TMEFF2: variants seen among roughly 807,000 people sequenced by gnomAD.
The protein encoded by TMEFF2 is transmembrane protein with EGF like and two follistatin like domains 2.
A neutral mutation model predicts 53.8 loss-of-function variants in TMEFF2; 28 were observed. The observed-to-expected ratio is 0.52, with a 90% CI of 0.39 to 0.71. TMEFF2 has a LOEUF of 0.71. Among genes scored for constraint, TMEFF2 ranks in the 30% least tolerant of loss-of-function variants. The probability of loss-of-function intolerance (pLI) is 0.00; values close to 1 mark genes in which losing one functional copy is unlikely to be tolerated. For missense variants in TMEFF2, 353 were observed against 455.2 expected, an observed-to-expected ratio of 0.78 and a Z score of 2.04; for synonymous variants, 162 against 166.3, an observed-to-expected ratio of 0.97 and a Z score of 0.20.
intron 5 of TMEFF2, among the ~76,000 whole-genome samples, chr2:192,023,883 T>C (rs1295350580): frequency 6.6e-6 from 1 of 152,106 alleles, no homozygotes; most frequent in Non-Finnish European, 1.5e-5. Flanking sequence ...GCAACTTTCA[T>C]TGAGTAAAGA....
At chr2:192,073,007 C>A (rs1045293374) in intron 4 of TMEFF2, among the ~76,000 whole-genome samples, 2 of 151,974 alleles carry the variant, frequency 1.3e-5, no homozygotes, top group East Asian at 1.9e-4. Context: ...TGCTCCCACA[C>A]TGCCTGACAA....
At chr2:192,063,115 T>C (rs1162138698) in intron 4 of TMEFF2, among the ~76,000 whole-genome samples, 1 of 151,960 alleles carries the variant, frequency 6.6e-6, no homozygotes, top group Non-Finnish European at 1.5e-5. Flanking sequence ...ATTATTTTTC[T>C]AGTTTCTTAA....
chr2:192,007,439 T>C (rs1406732803), intron 5 of TMEFF2, among the ~76,000 whole-genome samples: 1 of 152,122 alleles, frequency 6.6e-6, no homozygotes, highest in African/African-American at 2.4e-5. Flanking sequence ...AGGTGGAAAG[T>C]GAACTGTCTG....
chr2:191,971,724 A>G (rs2105804586), intron 7 of TMEFF2, among the ~76,000 whole-genome samples: 1 of 152,346 alleles, frequency 6.6e-6, no homozygotes, highest in Middle Eastern at 3.4e-3. Context: ...GTTAAATACT[A>G]CAGGTATAGT....
At chr2:192,179,054 T>C (rs182300324) in intron 4 of TMEFF2, 1 of 150,946 alleles carries the variant, frequency 6.6e-6, no homozygotes, top group African/African-American at 2.4e-5. Flanking sequence ...CTCTCTCTCA[T>C]CTTATATACT....
chr2:192,131,922 G>A (rs2105978226), intron 4 of TMEFF2, among the ~76,000 whole-genome samples: 1 of 152,166 alleles, frequency 6.6e-6, no homozygotes. Flanking sequence ...ATGGGCAAAT[G>A]GTCTGAGGTG....
intron 4 of TMEFF2, among the ~76,000 whole-genome samples, chr2:192,094,534 TAC>T (rs1688860656): frequency 6.6e-6 from 1 of 152,092 alleles, no homozygotes; most frequent in Admixed American, 6.6e-5. Flanking sequence ...TTGGTCAATC[TAC>T]ACACCTCAAT....
At chr2:192,012,373 T>C (rs1686650737) in intron 5 of TMEFF2, among the ~76,000 whole-genome samples, 1 of 152,256 alleles carries the variant, frequency 6.6e-6, no homozygotes, top group Admixed American at 6.5e-5. Flanking sequence ...ATGTGTTCTA[T>C]ACCTTTGTCA....
intron 4 of TMEFF2, among the ~76,000 whole-genome samples, chr2:192,066,575 CAT>C (rs1688173924): frequency 6.6e-6 from 1 of 151,742 alleles, no homozygotes; most frequent in Non-Finnish European, 1.5e-5. Context: ...TTAGAAATCA[CAT>C]ATAATTTATC....
intron 5 of TMEFF2, among the ~76,000 whole-genome samples, chr2:192,005,448 G>C (rs1686477137): frequency 6.6e-6 from 1 of 152,118 alleles, no homozygotes; most frequent in Non-Finnish European, 1.5e-5. Flanking sequence ...TCATGTGTCT[G>C]GTTTGTGGCT....
At chr2:192,099,020 G>A (rs1478905255) in intron 4 of TMEFF2, among the ~76,000 whole-genome samples, 2 of 151,968 alleles carry the variant, frequency 1.3e-5, no homozygotes, top group Non-Finnish European at 2.9e-5. Context: ...AACCACTTTA[G>A]TACTTGGTTC....
intron 2 of TMEFF2, among the ~76,000 whole-genome samples, chr2:192,190,012 C>T (rs558070912): frequency 6.6e-6 from 1 of 152,290 alleles, no homozygotes; most frequent in South Asian, 2.1e-4. Flanking sequence ...TTTCCACTCC[C>T]CCATCTATTC....
rs560246613 is a variant in TMEFF2, at chr2:192,094,357, G to A, written c.440-36582C>T. ...GCTTCTCAACCTACTTGTATTCCACGTGATGTACATACAGCTAGGTTTCAA... is the reference window on the plus strand; with the variant it reads ...GCTTCTCAACCTACTTGTATTCCACATGATGTACATACAGCTAGGTTTCAA... On this transcript the variant is annotated intron_variant, in intron 4 of 9. Coordinates refer to ENST00000272771, the MANE Select transcript of TMEFF2 (RefSeq NM_016192.4). Among the ~76,000 whole-genome samples, 12 of 152,158 alleles carry A rather than the reference G, an allele frequency of 7.9e-5. No homozygotes were observed. In the South Asian group the frequency reaches 1.2e-3, roughly 16 times the overall value.
intron 7 of TMEFF2, among the ~76,000 whole-genome samples, chr2:191,965,556 G>C (rs1559064383): frequency 6.6e-6 from 1 of 152,128 alleles, no homozygotes; most frequent in Non-Finnish European, 1.5e-5. Context: ...TAATTCTCAA[G>C]TTATTCCTCA....
chr2:192,182,475 C>T (rs1006857976), intron 3 of TMEFF2, among the ~76,000 whole-genome samples: 3 of 151,876 alleles, frequency 2.0e-5, no homozygotes, highest in African/African-American at 2.4e-5. Flanking sequence ...ATGGATTACT[C>T]GATTGTGATT....
At chr2:192,051,348 T>C (rs1049388298) in intron 5 of TMEFF2, among the ~76,000 whole-genome samples, 2 of 151,886 alleles carry the variant, frequency 1.3e-5, no homozygotes, top group Non-Finnish European at 2.9e-5. Flanking sequence ...GGAAACACCC[T>C]AGGGAGAAAC....
intron 4 of TMEFF2, among the ~76,000 whole-genome samples, chr2:192,068,248 G>C (rs1040328794): frequency 6.6e-6 from 1 of 151,858 alleles, no homozygotes; most frequent in Non-Finnish European, 1.5e-5. Context: ...AAGTGTTAAA[G>C]GTGAAGGAAA....
At chr2:191,980,834 T>C (rs1241130205) in intron 7 of TMEFF2, among the ~76,000 whole-genome samples, 1 of 152,190 alleles carries the variant, frequency 6.6e-6, no homozygotes, top group African/African-American at 2.4e-5. Context: ...CTGTCATTCA[T>C]CTAGGCAGCC....
rs1405691465 is a variant in TMEFF2 at position 191,949,641 on chromosome 2, T to C, written c.*670A>G. ...AAGCTACTTCCCCAATAAAAACCAA[T>C]ATTTTCTTTCCCTCTCCTTTATGAG... is the stretch of plus-strand genomic sequence containing the variant. On this transcript the variant is annotated 3_prime_UTR_variant, in exon 10 of 10. Transcript: ENST00000272771. 3 of 985,366 alleles carry C rather than the reference T, an allele frequency of 3.0e-6. No individual in the cohort carries two copies. The highest frequency in any genetic ancestry group is 1.7e-5 in the African/African-American group (1 of 57,348). 61.0% of individuals were successfully genotyped at this position (985,366 alleles called of 1,614,324 possible). A position where few individuals can be genotyped will look rare whatever the true frequency, so the allele number is the denominator to read the frequency against.
Sources: allele counts gnomAD v4.1 joint callset (sites outside exome capture counted in the v4.1 genomes callset), GRCh38; gene constraint gnomAD v4.1.1; transcripts MANE v1.5; gene names NCBI Gene and HGNC (gene_info 2026-07-23, HGNC 2026-07-21).